The following HAS1 variants were observed in gnomAD, a reference collection of about 807,000 sequenced individuals.
HAS1 encodes the protein hyaluronan synthase 1.
A neutral mutation model predicts 35.0 loss-of-function variants in HAS1; 27 were observed. The ratio of observed to expected loss-of-function variants is 0.77; its 90% CI spans 0.57 to 1.06. The LOEUF (loss-of-function observed/expected upper bound fraction) is 1.06. Ranked by LOEUF, HAS1 falls within the 50% of genes least tolerant of loss-of-function variation. HAS1 has a pLI of 0.00. For synonymous variants in HAS1, 409 were observed against 371.2 expected (o/e 1.10, Z -1.17); for missense variants, 940 against 814.8 (o/e 1.15, Z -1.87).
intron 2 of HAS1, among the ~76,000 whole-genome samples, chr19:51,718,900 G>A (rs1173611883): frequency 4.6e-5 from 7 of 152,204 alleles, no homozygotes; most frequent in African/African-American, 1.7e-4. Context: ...ATGGATAGAT[G>A]AATGGATGAG....
chr19:51,714,321 A>G (rs1234523711), intron 4 of HAS1, among the ~76,000 whole-genome samples: 1 of 151,450 alleles, frequency 6.6e-6, no homozygotes, highest in Non-Finnish European at 1.5e-5. Flanking sequence ...AGGCTGAGGG[A>G]TAAGGAGTTC....
At chr19:51,716,216 G>A in intron 4 of HAS1, 40 bp downstream of exon 4, 2 of 1,569,248 alleles carry the variant, frequency 1.3e-6, no homozygotes, top group South Asian at 2.3e-5. Flanking sequence ...ATATTCATTG[G>A]CCTCCACACA....
At position 51,719,877 on chromosome 19, in the gene HAS1, G is replaced by A. The variant is rs753575106; in HGVS notation, c.28C>T (p.Pro10Ser). 3 of 1,538,196 alleles carry A rather than the reference G, an allele frequency of 2.0e-6. No homozygotes were observed. Among genetic ancestry groups the A allele is most frequent in the East Asian group, 4.9e-5 (2 of 40,832 alleles). The change falls in exon 2 of 5, where the codon CCT (proline) becomes TCT (serine). Residue 10 changes from proline (P) to serine (S), a missense_variant. Transcript: ENST00000540069. MRQDAPKPT[P>S]AACRCSGLAR... ...AGGCCGGAGCAGCGGCAGGCTGCAG[G>A]AGTGGGCTTGGGCGCGTCCTGCTGG... is the stretch of plus-strand genomic sequence containing the variant.
In HAS1 at chr19:51,721,725, C is replaced by A. The variant is rs540715234; in HGVS notation, c.10-1830G>T. On this transcript the variant is annotated intron_variant, in intron 1 of 4. Coordinates refer to ENST00000540069, the MANE Select transcript of HAS1 (RefSeq NM_001297436.2). ...AGGTTGCAGTGAGCCAAGATGGCAC[C>A]ACTACACTTCAGCCTGGGTGACAGT... 2.0e-3 allele frequency among the ~76,000 whole-genome samples: 300 copies of A among 152,180 alleles called. 1 individual carries two copies. Among genetic ancestry groups the A allele is most frequent in the African/African-American group, 6.8e-3 (282 of 41,530 alleles).
chr19:51,723,824 A>T (rs2083647016), intron 1 of HAS1, 101 bp downstream of exon 1: 1 of 1,139,472 alleles, frequency 8.8e-7, no homozygotes, highest in Non-Finnish European at 1.2e-6. Flanking sequence ...AATCATGCAC[A>T]CACAGTTCCC....
At position 51,717,099 on chromosome 19, in the gene HAS1, T is replaced by G. The variant is rs1395191832; in HGVS notation, c.794A>C (p.Asp265Ala). 6.2e-7 allele frequency: 1 copy of G among 1,613,776 alleles called. No individual in the cohort carries two copies. The highest frequency in any genetic ancestry group is 1.7e-5 in the Admixed American group (1 of 59,968). The change falls in exon 3 of 5, where the codon GAC (aspartate) becomes GCC (alanine). Residue 265 changes from aspartate (D) to alanine (A), a missense_variant. Physicochemically the swap from Asp to Ala is moderately radical, Grantham distance 126. Transcript: ENST00000540069. ...GTCCAGAGGGTTAAGGATCCGCACG[T>G]CCCCACCAACAGCCCCTACCCGGGG... Reference protein sequence around the residue: ...EDPRVGAVGGDVRILNPLDSW... With the variant: ...EDPRVGAVGGAVRILNPLDSW...
chr19:51,716,175 T>A, intron 4 of HAS1, 81 bp downstream of exon 4: 1 of 1,244,096 alleles, frequency 8.0e-7, no homozygotes, highest in East Asian at 2.3e-5. Context: ...ACTTTGGATT[T>A]GGAGAACTCT....
intron 1 of HAS1, among the ~76,000 whole-genome samples, chr19:51,723,346 C>T (rs1442810442): frequency 6.6e-6 from 1 of 152,148 alleles, no homozygotes; most frequent in Non-Finnish European, 1.5e-5. Context: ...CACACAGAGC[C>T]CCAACTGAGA....
rs745568997 is a variant in HAS1 at position 51,713,853 on chromosome 19, G to GCACAGCAGCACC, written c.1296_1307dup (p.Trp432_Leu435dup). 13 of 1,606,720 alleles carry GCACAGCAGCACC rather than the reference G, an allele frequency of 8.1e-6. No homozygotes were observed. Among genetic ancestry groups the GCACAGCAGCACC allele is most frequent in the African/African-American group, 2.7e-5 (2 of 75,032 alleles). ...CCTTGGCCAGTGCCACGCCCTGCAC[G>GCACAGCAGCACC]CACAGCAGCACCCACAGCAGCGCCC... On this transcript the variant is annotated inframe_insertion, in exon 5 of 5. Coordinates refer to ENST00000540069, the MANE Select transcript of HAS1 (RefSeq NM_001297436.2). This position sits in a 1 kb window ranked among gnomAD's most constrained non-coding sequence, Gnocchi z 4.5.
Position 51,719,470 on chromosome 19 carries a change from G to A in HAS1, c.435C>T (p.Asp145=). The A allele has an allele frequency of 1.3e-6, 2 of 1,551,004 alleles. No individual in the cohort carries two copies. The highest frequency in any genetic ancestry group is 2.4e-5 in the South Asian group (2 of 84,186). ...CGTCAGCGAAGACCTCGCGGAACAT[G>A]TCGACCATGTAGAGGTCCTCGGCGC... is the stretch of plus-strand genomic sequence containing the variant. ...GNRAEDLYMV[D]MFREVFADED... is the part of the protein sequence containing the mutation. Residue 145 remains aspartate, a synonymous_variant, in exon 2 of 5, where the codon GAC becomes GAT. Transcript: ENST00000540069.
chr19:51,719,677 C>CA lies in HAS1; in HGVS notation c.227_228insT (p.Glu76AspfsTer78). ...GCGCCGCCGCCGCCACCCGCCGGTGCTCCAGGTACGCGAAGAGGCTCTGCG... is the reference window on the plus strand; with the variant it reads ...GCGCCGCCGCCGCCACCCGCCGGTGCATCCAGGTACGCGAAGAGGCTCTGCG... On this transcript the variant is annotated frameshift_variant, in exon 2 of 5. Coordinates refer to ENST00000540069, the MANE Select transcript of HAS1 (RefSeq NM_001297436.2). LOFTEE classifies it high-confidence loss of function. The CA allele has an allele frequency of 6.4e-7, 1 of 1,553,946 alleles. No individual in the cohort carries two copies. Among genetic ancestry groups the CA allele is most frequent in the East Asian group, 2.4e-5 (1 of 41,040 alleles).
At chr19:51,723,437 T>C (rs1012969381) in intron 1 of HAS1, among the ~76,000 whole-genome samples, 1 of 152,160 alleles carries the variant, frequency 6.6e-6, no homozygotes, top group African/African-American at 2.4e-5. Context: ...CCAGATGAAA[T>C]TGCTATTCTT....
In HAS1 at chr19:51,713,629, A is replaced by C. The variant is rs766556467; in HGVS notation, c.1532T>G (p.Leu511Arg). 2.6e-6 allele frequency: 4 copies of C among 1,562,372 alleles called. No individual in the cohort carries two copies. The highest frequency in any genetic ancestry group is 3.5e-6 in the Non-Finnish European group (4 of 1,153,630). ...PLLPLALWAL[L>R]LLGGLVRSVA... ...GCTGCGGACCAGGCCCCCAAGCAGC[A>C]GCAGCGCCCAGAGCGCCAGGGGCAG... The change falls in exon 5 of 5, where the codon CTG (leucine) becomes CGG (arginine). Residue 511 changes from leucine (L) to arginine (R), a missense_variant. By Grantham distance (102) the Leu-to-Arg change is moderately radical. Coordinates refer to ENST00000540069, the MANE Select transcript of HAS1 (RefSeq NM_001297436.2). This position sits in a 1 kb window ranked among gnomAD's most constrained non-coding sequence, Gnocchi z 4.5.
Position 51,713,848 on chromosome 19 carries a change from T to TGCACGCACAGCA in HAS1, c.1301_1312dup (p.Leu434_Val437dup), listed in dbSNP as rs753132466. 6.8e-6 allele frequency: 11 copies of TGCACGCACAGCA among 1,607,166 alleles called. No homozygotes were observed. Among genetic ancestry groups the TGCACGCACAGCA allele is most frequent in the Non-Finnish European group, 9.3e-6 (11 of 1,179,384 alleles). The stretch of plus-strand genomic sequence containing the variant: ...GGCCGCCTTGGCCAGTGCCACGCCC[T>TGCACGCACAGCA]GCACGCACAGCAGCACCCACAGCAG... On this transcript the variant is annotated inframe_insertion, in exon 5 of 5. Transcript: ENST00000540069. This position sits in a 1 kb window ranked among gnomAD's most constrained non-coding sequence, Gnocchi z 4.5.
Position 51,719,247 on chromosome 19 carries a change from T to A in HAS1, c.658A>T (p.Thr220Ser). ...RWGGKREVMY[T>S]AFKALGDSVD... Reference sequence around the variant, plus strand: ...GAATCTCCGAGCGCCTTGAAGGCTGTGTACATGACCTCGCGCTTGCCGCCC... The same window carrying A: ...GAATCTCCGAGCGCCTTGAAGGCTGAGTACATGACCTCGCGCTTGCCGCCC... Residue 220 changes from threonine (T) to serine (S), a missense_variant, in exon 2 of 5, where the codon ACA becomes TCA. Transcript: ENST00000540069. 1 of 1,601,628 alleles carries A rather than the reference T, an allele frequency of 6.2e-7. No individual in the cohort carries two copies. The highest frequency in any genetic ancestry group is 2.3e-5 in the East Asian group (1 of 44,078).
In HAS1 at chr19:51,719,427, C is replaced by A. The variant is rs758448344; in HGVS notation, c.478G>T (p.Val160Leu). 6.4e-7 allele frequency: 1 copy of A among 1,557,142 alleles called. No homozygotes were observed. ...GGCTGGTGGTAGTTGCCGTCCCACA[C>A]GTACGTGGCGGGGTCCTCGTCAGCG... ...VFADEDPATY[V>L]WDGNYHQPWE... The change falls in exon 2 of 5, where the codon GTG becomes TTG. Residue 160 changes from valine (V) to leucine (L), a missense_variant. By Grantham distance (32) the Val-to-Leu change is conservative. Transcript: ENST00000540069.
intron 1 of HAS1, 103 bp from the exon 2 acceptor site, chr19:51,719,998 T>G (rs59168688): frequency 0.48 from 321,736 of 664,918 alleles, 79,361 homozygotes; most frequent in East Asian, 0.68. Flanking sequence ...TCCTTCCCTT[T>G]CCCTCCCCTC....
Position 51,716,877 on chromosome 19 carries a change from TCCCAAC to T in HAS1, c.925+85_925+90del. 13 of 895,932 alleles carry T rather than the reference TCCCAAC, an allele frequency of 1.5e-5. 2 individuals are homozygous for T. The South Asian group carries it at 1.7e-4, about 12-fold the overall frequency. 55.5% of individuals were successfully genotyped at this position (895,932 alleles called of 1,614,324 possible). On this transcript the variant is annotated intron_variant, in intron 3 of 4. Coordinates refer to ENST00000540069, the MANE Select transcript of HAS1 (RefSeq NM_001297436.2). ...AATTCCTGCCCTGCTGCATCTTTGT[TCCCAAC>T]CCCAGTCACATCCTCAGCCCCATCC...
chr19:51,716,728 C>A (rs1207158165), intron 3 of HAS1, among the ~76,000 whole-genome samples: 3 of 152,080 alleles, frequency 2.0e-5, no homozygotes, highest in African/African-American at 7.2e-5. Flanking sequence ...CCTATCCCAT[C>A]TTCTTCCCCA....
Sources: allele counts gnomAD v4.1 joint callset (sites outside exome capture counted in the v4.1 genomes callset), GRCh38; gene constraint gnomAD v4.1.1; non-coding constraint Gnocchi (gnomAD v3.1); transcripts MANE v1.5; gene names NCBI Gene and HGNC (gene_info 2026-07-23, HGNC 2026-07-21).